The following TBCE variants were observed in gnomAD, a reference collection of about 807,000 sequenced individuals.
TBCE encodes tubulin-specific chaperone E.
A neutral mutation model predicts 77.0 loss-of-function variants in TBCE; 53 were observed. The observed-to-expected ratio is 0.69, with a 90% CI of 0.55 to 0.87. The LOEUF is 0.87. Ranked by LOEUF, TBCE falls within the 40% of genes least tolerant of loss-of-function variation. TBCE has a pLI of 0.00. For missense variants in TBCE, 624 were observed against 622.4 expected (o/e 1.00, Z -0.03); for synonymous variants, 235 against 241.3 (o/e 0.97, Z 0.24).
chr1:235,419,434 C>T (rs182903042), intron 4 of TBCE, 39 bp from the exon 5 acceptor site: 190 of 1,613,906 alleles, frequency 1.2e-4, no homozygotes, highest in African/African-American at 1.1e-3. Flanking sequence ...GGATAGCATA[C>T]GTGCTTATGT....
At chr1:235,441,736 CTTTGTTTG>C (rs199612067) in intron 13 of TBCE, 70 bp from the exon 14 acceptor site, 225 of 1,363,712 alleles carry the variant, frequency 1.6e-4, no homozygotes, top group Non-Finnish European at 2.1e-4. Context: ...CTTACCTATC[CTTTGTTTG>C]TTTGTTTGTT....
At chr1:235,448,090 C>T (rs1441122283) in intron 15 of TBCE, among the ~76,000 whole-genome samples, 1 of 151,990 alleles carries the variant, frequency 6.6e-6, no homozygotes, top group South Asian at 2.1e-4. Flanking sequence ...GCACCAGCTA[C>T]TCAGGAGGCT....
chr1:235,373,751 C>G (rs1232956852), intron 1 of TBCE, among the ~76,000 whole-genome samples: 3 of 151,012 alleles, frequency 2.0e-5, no homozygotes, highest in African/African-American at 4.9e-5. Context: ...CGGGTTCACG[C>G]CATTCTCCTG....
intron 6 of TBCE, 122 bp downstream of exon 6, chr1:235,427,361 C>T (rs752416691): frequency 2.7e-6 from 2 of 748,918 alleles, no homozygotes; most frequent in Middle Eastern, 2.3e-4. Context: ...CCTGATGATA[C>T]AGGAGTTAAG....
Position 235,451,933 on chromosome 1 carries a change from A to G in TBCE, c.*3171A>G, listed in dbSNP as rs1682930235. 1 of 151,922 alleles carries G rather than the reference A, an allele frequency of 6.6e-6. No individual in the cohort carries two copies. The highest frequency in any genetic ancestry group is 2.1e-4 in the South Asian group (1 of 4,828). 9.4% of individuals were successfully genotyped at this position (151,922 alleles called of 1,614,324 possible). On this transcript the variant is annotated 3_prime_UTR_variant, in exon 17 of 17. Transcript: ENST00000642610. ...TACTGTGTTTTAAATGATGTCTTAT[A>G]TTTCATGCAGTGTCTTATTTTTATC...
chr1:235,436,278 G>C, intron 9 of TBCE, 108 bp from the exon 10 acceptor site: 1 of 963,926 alleles, frequency 1.0e-6, no homozygotes, highest in Admixed American at 1.9e-5. Flanking sequence ...TTTTACATGG[G>C]ATTAAAAACC....
In TBCE at chr1:235,407,118, T is replaced by G. The variant is rs189337366; in HGVS notation, c.185+5531T>G. 4.1e-3 allele frequency among the ~76,000 whole-genome samples: 614 copies of G among 149,544 alleles called. 5 individuals carry two copies. The highest frequency in any genetic ancestry group is 0.014 in the African/African-American group (586 of 40,528). On this transcript the variant is annotated intron_variant, in intron 3 of 16. Coordinates refer to ENST00000642610, the MANE Select transcript of TBCE (RefSeq NM_003193.5). The stretch of plus-strand genomic sequence containing the variant: ...TGCTGGGATTATAGGCGTGAACCAC[T>G]GCACCTGGCCCCCGCCTTTTTTTTT...
chr1:235,402,340 G>A (rs979577221), intron 3 of TBCE, among the ~76,000 whole-genome samples: 6 of 151,866 alleles, frequency 4.0e-5, no homozygotes, highest in African/African-American at 1.2e-4. Flanking sequence ...GGGATTACAG[G>A]TGTGAGCCAC....
At chr1:235,436,365 A>G (rs1558388629) in intron 9 of TBCE, 21 bp from the exon 10 acceptor site, 3 of 1,608,676 alleles carry the variant, frequency 1.9e-6, no homozygotes, top group Non-Finnish European at 2.6e-6. Context: ...GTGTAATCAA[A>G]TTGTACATTT....
intron 1 of TBCE, among the ~76,000 whole-genome samples, chr1:235,374,236 G>A (rs951702976): frequency 6.8e-6 from 1 of 146,004 alleles, no homozygotes; most frequent in Non-Finnish European, 1.5e-5. Context: ...GATTACAGGC[G>A]TGAGCCACTT....
chr1:235,391,653 C>CT (rs1678402790), intron 2 of TBCE, among the ~76,000 whole-genome samples: 1 of 123,294 alleles, frequency 8.1e-6, no homozygotes. Flanking sequence ...GTCACCCAGG[C>CT]TGGAGTGCAG....
chr1:235,413,394 G>C (rs1199062207), intron 3 of TBCE, among the ~76,000 whole-genome samples: 35 of 151,812 alleles, frequency 2.3e-4, no homozygotes, highest in Non-Finnish European at 2.9e-5. Flanking sequence ...AGGCGTGGTG[G>C]CTCACGCCTG....
intron 2 of TBCE, among the ~76,000 whole-genome samples, chr1:235,386,639 T>C (rs1175909218): frequency 6.6e-6 from 1 of 152,234 alleles, no homozygotes; most frequent in Non-Finnish European, 1.5e-5. Context: ...AGCCTTGGCT[T>C]TCAGCTCCAT....
intron 4 of TBCE, chr1:235,419,175 C>T (rs1352075246): frequency 2.2e-6 from 1 of 446,896 alleles, no homozygotes; most frequent in African/African-American, 2.0e-5. Context: ...CCACTGCACT[C>T]CAGCCTGGGC....
At chr1:235,390,364 T>C (rs1217918896) in intron 2 of TBCE, among the ~76,000 whole-genome samples, 2 of 152,138 alleles carry the variant, frequency 1.3e-5, no homozygotes, top group African/African-American at 2.4e-5. Context: ...ATTAGAATTA[T>C]AGATGGAATT....
chr1:235,431,962 G>A (rs954900166), intron 7 of TBCE, among the ~76,000 whole-genome samples: 47 of 149,822 alleles, frequency 3.1e-4, no homozygotes, highest in African/African-American at 1.1e-3. Context: ...GTGAGCCACC[G>A]TGCCCAGCCC....
At chr1:235,369,898 C>T (rs1207278827) in intron 1 of TBCE, among the ~76,000 whole-genome samples, 1 of 152,080 alleles carries the variant, frequency 6.6e-6, no homozygotes, top group African/African-American at 2.4e-5. Flanking sequence ...GTGACCTAGC[C>T]CTGCTTCACT....
chr1:235,405,678 G>A (rs1353846124), intron 3 of TBCE, among the ~76,000 whole-genome samples: 1 of 151,838 alleles, frequency 6.6e-6, no homozygotes, highest in African/African-American at 2.4e-5. Flanking sequence ...CTAACATAAT[G>A]ATAAAAAGTA....
At chr1:235,414,840 A>G (rs536712353) in intron 4 of TBCE, 2 of 535,472 alleles carry the variant, frequency 3.7e-6, no homozygotes, top group Admixed American at 6.2e-5. Flanking sequence ...TGCAATTGAA[A>G]TATTTATTGG....
Sources: gnomAD v4.1 joint callset for allele counts (sites outside exome capture counted in the v4.1 genomes callset) on GRCh38, gnomAD v4.1.1 for gene constraint, MANE v1.5 for transcripts, NCBI Gene and HGNC (gene_info 2026-07-23, HGNC 2026-07-21) for gene names.